Variants in POLR2B observed in about 807,000 individuals in gnomAD.
POLR2B encodes DNA-directed RNA polymerase II subunit RPB2.
A neutral mutation model predicts 144.6 loss-of-function variants in POLR2B; 57 were observed. The ratio of observed to expected loss-of-function variants is 0.39; its 90% CI spans 0.32 to 0.49. The LOEUF (loss-of-function observed/expected upper bound fraction) is 0.49. POLR2B is among the 20% of genes least tolerant of loss of function. The pLI is 0.83. For synonymous variants in POLR2B, 442 were observed against 469.8 expected (o/e 0.94, Z 0.77); for missense variants, 595 against 1,467.4 (o/e 0.41, Z 9.71).
chr4:56,997,362 A>C (rs577740973), intron 6 of POLR2B, among the ~76,000 whole-genome samples: 51 of 151,642 alleles, frequency 3.4e-4, no homozygotes, highest in Non-Finnish European at 6.2e-4. Flanking sequence ...GGCCCAAGCG[A>C]TTCTCGTACT....
chr4:56,992,629 G>A (rs774198441), intron 3 of POLR2B, among the ~76,000 whole-genome samples: 19 of 144,468 alleles, frequency 1.3e-4, no homozygotes, highest in Non-Finnish European at 2.3e-4. Context: ...GCGCGATCTC[G>A]GCTCACTGCA....
intron 14 of POLR2B, among the ~76,000 whole-genome samples, chr4:57,016,631 A>G (rs1034723285): frequency 6.9e-6 from 1 of 145,490 alleles, no homozygotes; most frequent in African/African-American, 2.5e-5. Context: ...GAATAATATA[A>G]TAAGAAATTT....
At chr4:57,019,959 T>C (rs1392834810) in intron 16 of POLR2B, among the ~76,000 whole-genome samples, 1 of 152,172 alleles carries the variant, frequency 6.6e-6, no homozygotes, top group Non-Finnish European at 1.5e-5. Flanking sequence ...TCAGGAAAGT[T>C]ATTTTTGCAT....
At chr4:56,993,370 A>G (rs73242626) in intron 3 of POLR2B, among the ~76,000 whole-genome samples, 1 of 152,320 alleles carries the variant, frequency 6.6e-6, no homozygotes, top group Non-Finnish European at 1.5e-5. Context: ...AGAATAGCCT[A>G]TGATTAAGAT....
chr4:57,020,467 A>G (rs537898671), intron 16 of POLR2B, among the ~76,000 whole-genome samples: 2 of 152,314 alleles, frequency 1.3e-5, no homozygotes, highest in Admixed American at 6.5e-5. Context: ...ATCAGTTTCA[A>G]ACCTAAAAGC....
intron 21 of POLR2B, 40 bp downstream of exon 21, chr4:57,024,152 G>GCTTC (rs781576627): frequency 9.2e-7 from 1 of 1,083,060 alleles, no homozygotes; most frequent in South Asian, 1.4e-5. Flanking sequence ...CTAAGCTGAT[G>GCTTC]CTTCTTCTAA....
At chr4:56,991,099 T>C (rs1722496873) in intron 3 of POLR2B, among the ~76,000 whole-genome samples, 1 of 152,158 alleles carries the variant, frequency 6.6e-6, no homozygotes, top group African/African-American at 2.4e-5. Flanking sequence ...CTTATTCACA[T>C]AGTAGGTATT....
intron 1 of POLR2B, 87 bp downstream of exon 1, chr4:56,979,091 TCCCATGCGCCGGCTGCACAGTC>T: frequency 1.5e-6 from 2 of 1,367,684 alleles, no homozygotes; most frequent in Non-Finnish European, 2.1e-6. Flanking sequence ...TTTGGGGCCT[TCCCATGCGCCGGCTGCACAGTC>T]CCCAGCCTTG....
At chr4:57,027,870 T>G (rs1167153532) in intron 23 of POLR2B, among the ~76,000 whole-genome samples, 2 of 152,202 alleles carry the variant, frequency 1.3e-5, no homozygotes, top group Admixed American at 6.5e-5. Context: ...AAAATTGCAT[T>G]TGTTAATATG....
chr4:56,994,720 C>A lies in POLR2B; in HGVS notation c.430C>A (p.His144Asn). ...KEGEEQLQTQ[H>N]QKTFIGKIPI... is the part of the protein sequence containing the mutation. ...AGGTGAAGAACAACTTCAGACTCAG[C>A]ATCAGAAAACTTTTATAGGAAAAAT... The change falls in exon 5 of 25, where the codon CAT (histidine) becomes AAT (asparagine). Residue 144 changes from histidine (H) to asparagine (N), a missense_variant. Around this residue, in one of 9 missense-constraint regions of POLR2B, gnomAD observed 251 missense variants for 567.3 expected, o/e 0.44. Transcript: ENST00000314595. The A allele has an allele frequency of 1.9e-6, 3 of 1,613,228 alleles. No individual in the cohort carries two copies. Among genetic ancestry groups the A allele is most frequent in the Non-Finnish European group, 2.5e-6 (3 of 1,179,228 alleles).
chr4:57,002,113 G>T (rs1373707555), intron 7 of POLR2B, among the ~76,000 whole-genome samples: 1 of 152,064 alleles, frequency 6.6e-6, no homozygotes, highest in Non-Finnish European at 1.5e-5. Flanking sequence ...CTGCAACCTC[G>T]ACTTCCCGGG....
At chr4:57,007,735 A>G (rs905892555) in intron 10 of POLR2B, among the ~76,000 whole-genome samples, 1 of 152,184 alleles carries the variant, frequency 6.6e-6, no homozygotes, top group Admixed American at 6.5e-5. Context: ...CTATTCTCAG[A>G]TGGAGTAATG....
intron 7 of POLR2B, among the ~76,000 whole-genome samples, chr4:57,004,621 T>C (rs888982336): frequency 7.2e-5 from 11 of 152,216 alleles, no homozygotes; most frequent in African/African-American, 2.7e-4. Flanking sequence ...ATGAAATTTC[T>C]GTAAATTGAT....
intron 5 of POLR2B, 101 bp downstream of exon 5, chr4:56,994,967 G>A (rs1327402670): frequency 2.5e-5 from 20 of 786,778 alleles, no homozygotes; most frequent in Non-Finnish European, 3.7e-5. Context: ...TTTTCCTGCA[G>A]GATAACCTGG....
chr4:57,014,649 C>T (rs1181735568), intron 13 of POLR2B, among the ~76,000 whole-genome samples: 1 of 151,812 alleles, frequency 6.6e-6, no homozygotes, highest in Non-Finnish European at 1.5e-5. Flanking sequence ...ACTACAGGCA[C>T]CTGCCACCAC....
At chr4:56,995,923 G>A (rs1722663140) in intron 6 of POLR2B, among the ~76,000 whole-genome samples, 1 of 152,186 alleles carries the variant, frequency 6.6e-6, no homozygotes, top group East Asian at 1.9e-4. Context: ...AAAAGTGGTA[G>A]CAACATCCTG....
chr4:56,985,159 C>G (rs571823625), intron 1 of POLR2B: 1 of 217,628 alleles, frequency 4.6e-6, no homozygotes, highest in East Asian at 1.8e-4. Flanking sequence ...TGTAAGTGGC[C>G]TCTACTTATG....
At position 57,004,924 on chromosome 4, in the gene POLR2B, A is replaced by G. The variant is rs114092178; in HGVS notation, c.901-322A>G. On this transcript the variant is annotated intron_variant, in intron 7 of 24. Coordinates refer to ENST00000314595, the MANE Select transcript of POLR2B (RefSeq NM_000938.3). ...AGTTGCAAACTCCTGGACTTAAGCT[A>G]TCCACCTACCTCAGCCTCTTAAAGT... 4.2e-3 allele frequency among the ~76,000 whole-genome samples: 633 copies of G among 152,286 alleles called. 4 individuals are homozygous for G. The highest frequency in any genetic ancestry group is 0.015 in the African/African-American group (603 of 41,558).
In POLR2B at chr4:56,993,814, A is replaced by T. The variant is rs374136014; in HGVS notation, c.244-590A>T. ...ACAGATTAATTTGTATATTTAACTG[A>T]AGAGAGGTTTATTTTTTAAAATGTT... On this transcript the variant is annotated intron_variant, in intron 3 of 24. Transcript: ENST00000314595. Among the ~76,000 whole-genome samples the T allele has an allele frequency of 5.4e-4, 83 of 152,320 alleles. 1 individual carries two copies. In the South Asian group the frequency reaches 0.014, roughly 26 times the overall value.
Sources: allele counts gnomAD v4.1 joint callset (sites outside exome capture counted in the v4.1 genomes callset), GRCh38; gene constraint gnomAD v4.1.1; regional missense constraint gnomAD v4.1.1; transcripts MANE v1.5; gene names NCBI Gene and HGNC (gene_info 2026-07-23, HGNC 2026-07-21).